Variants in RALGAPA1 observed in about 807,000 individuals in gnomAD.
The protein encoded by RALGAPA1 is ral GTPase-activating protein subunit alpha-1.
In RALGAPA1, 52 loss-of-function variants were observed where a neutral mutation model predicts 269.6. The ratio of observed to expected loss-of-function variants is 0.19; its 90% CI spans 0.15 to 0.24. The LOEUF (loss-of-function observed/expected upper bound fraction) is 0.24. RALGAPA1 is among the 10% of genes least tolerant of loss of function. RALGAPA1 has a pLI of 1.00. For missense variants in RALGAPA1, 1,917 were observed against 3,013.9 expected (o/e 0.64, Z 8.52); for synonymous variants, 817 against 1,008.3 (o/e 0.81, Z 3.60).
At chr14:35,687,933 A>ATAATGTTAACTATAAT (rs1258063268) in intron 18 of RALGAPA1, among the ~76,000 whole-genome samples, 1 of 152,256 alleles carries the variant, frequency 6.6e-6, no homozygotes, top group Non-Finnish European at 1.5e-5. Context: ...CATCACTGAT[A>ATAATGTTAACTATAAT]GTTAACTATA....
At chr14:35,690,662 C>T (rs1317551207) in intron 17 of RALGAPA1, among the ~76,000 whole-genome samples, 3 of 152,092 alleles carry the variant, frequency 2.0e-5, no homozygotes, top group African/African-American at 7.2e-5. Flanking sequence ...TTGTTTTTGG[C>T]AAAAACACCA....
chr14:35,709,637 A>G (rs2068121975), intron 16 of RALGAPA1, among the ~76,000 whole-genome samples: 1 of 151,668 alleles, frequency 6.6e-6, no homozygotes, highest in South Asian at 2.1e-4. Context: ...CCTATGGTGG[A>G]AGCTTAGATT....
intron 1 of RALGAPA1, among the ~76,000 whole-genome samples, chr14:35,777,403 G>C (rs2075118965): frequency 6.6e-6 from 1 of 152,160 alleles, no homozygotes; most frequent in Non-Finnish European, 1.5e-5. Flanking sequence ...GTTACCTCTA[G>C]GGAGCATGAC....
intron 17 of RALGAPA1, among the ~76,000 whole-genome samples, chr14:35,690,858 T>A (rs1028153249): frequency 2.0e-5 from 3 of 151,888 alleles, no homozygotes; most frequent in Non-Finnish European, 4.4e-5. Context: ...TCACCTGAGG[T>A]CGGGAGTTCA....
At chr14:35,723,746 A>T (rs547042149) in intron 14 of RALGAPA1, 1 of 152,208 alleles carries the variant, frequency 6.6e-6, no homozygotes, top group Admixed American at 6.5e-5. Flanking sequence ...ATGTATACAT[A>T]AACTAAAGGT....
intron 2 of RALGAPA1, among the ~76,000 whole-genome samples, chr14:35,775,264 G>A (rs1306049471): frequency 6.6e-6 from 1 of 151,784 alleles, no homozygotes; most frequent in Non-Finnish European, 1.5e-5. Flanking sequence ...ACATATTTAT[G>A]TCTAGAAACA....
At chr14:35,766,848 G>A (rs2074196339) in intron 4 of RALGAPA1, 1 of 463,944 alleles carries the variant, frequency 2.2e-6, no homozygotes, top group East Asian at 5.5e-5. Context: ...CACAGAACAG[G>A]AAGTGCCCAG....
intron 35 of RALGAPA1, among the ~76,000 whole-genome samples, chr14:35,613,086 T>G (rs896303327): frequency 2.0e-5 from 3 of 151,668 alleles, no homozygotes; most frequent in Non-Finnish European, 4.4e-5. Context: ...TGTATTTTAT[T>G]CTTTTTTTTT....
At chr14:35,657,676 C>CATATATATAT (rs201294195) in intron 28 of RALGAPA1, among the ~76,000 whole-genome samples, 3 of 143,068 alleles carry the variant, frequency 2.1e-5, no homozygotes, top group African/African-American at 7.9e-5. Context: ...TGAGAAGCAA[C>CATATATATAT]ATATATATAT....
intron 19 of RALGAPA1, among the ~76,000 whole-genome samples, chr14:35,686,242 C>T (rs992753454): frequency 8.6e-5 from 13 of 151,634 alleles, no homozygotes; most frequent in Non-Finnish European, 1.5e-4. Context: ...GGGTAACCTA[C>T]GAGCAAAGAC....
chr14:35,545,497 C>G (rs76882194), intron 41 of RALGAPA1, among the ~76,000 whole-genome samples: 3,291 of 151,058 alleles, frequency 0.022, 112 homozygotes, highest in African/African-American at 0.072. Flanking sequence ...AATAGGAACC[C>G]CTATATTCTC....
intron 26 of RALGAPA1, 34 bp from the exon 27 acceptor site, chr14:35,664,801 T>C (rs1566952349): frequency 6.3e-7 from 1 of 1,592,546 alleles, no homozygotes. Context: ...TTTAAAAATA[T>C]ATTGGTGTTA....
intron 9 of RALGAPA1, among the ~76,000 whole-genome samples, 195 bp downstream of exon 9, chr14:35,750,287 T>C (rs949946448): frequency 6.6e-5 from 10 of 152,194 alleles, no homozygotes; most frequent in Non-Finnish European, 1.3e-4. Flanking sequence ...AATTATCTTC[T>C]ATACTTCCCG....
intron 19 of RALGAPA1, among the ~76,000 whole-genome samples, chr14:35,686,142 G>T (rs997462874): frequency 1.3e-5 from 2 of 150,314 alleles, no homozygotes; most frequent in Admixed American, 6.6e-5. Context: ...TTATATATTA[G>T]ATTATATTTA....
At chr14:35,795,910 G>C (rs1029648757) in intron 1 of RALGAPA1, among the ~76,000 whole-genome samples, 5 of 151,936 alleles carry the variant, frequency 3.3e-5, no homozygotes, top group African/African-American at 4.8e-5. Context: ...CTTGAGCCCA[G>C]GAGGTTGTGA....
chr14:35,727,331 A>G (rs1043677902), intron 13 of RALGAPA1, among the ~76,000 whole-genome samples: 11 of 145,002 alleles, frequency 7.6e-5, no homozygotes, highest in Non-Finnish European at 1.2e-4. Flanking sequence ...ATATATATAT[A>G]TATATATATA....
Position 35,564,015 on chromosome 14 carries a change from T to C in RALGAPA1, c.7496+6602A>G, listed in dbSNP as rs184428957. 1.2e-4 allele frequency among the ~76,000 whole-genome samples: 18 copies of C among 152,248 alleles called. 1 individual carries two copies. The East Asian group carries it at 3.5e-3, about 29-fold the overall frequency. ...ATCATAAAGCTGAACCATCCTAAAC[T>C]GAGGACTGTCTGTACTTAGGTTTGC... On this transcript the variant is annotated intron_variant, in intron 39 of 41. Coordinates refer to ENST00000680220, the MANE Select transcript of RALGAPA1 (RefSeq NM_001346249.2).
intron 38 of RALGAPA1, among the ~76,000 whole-genome samples, chr14:35,571,469 G>A (rs1212602217): frequency 6.6e-6 from 1 of 151,988 alleles, no homozygotes; most frequent in Non-Finnish European, 1.5e-5. Context: ...GAAGTCAAGA[G>A]TTCGAGACCA....
chr14:35,574,902 G>A (rs1236951068), intron 37 of RALGAPA1, among the ~76,000 whole-genome samples: 4 of 152,068 alleles, frequency 2.6e-5, no homozygotes, highest in Admixed American at 6.5e-5. Context: ...TAAGGCGGGC[G>A]AATCACCTGA....
Sources: allele counts gnomAD v4.1 joint callset (sites outside exome capture counted in the v4.1 genomes callset), GRCh38; gene constraint gnomAD v4.1.1; transcripts MANE v1.5; gene names NCBI Gene and HGNC (gene_info 2026-07-23, HGNC 2026-07-21).